DMD: variants seen among roughly 807,000 people sequenced by gnomAD.
DMD encodes the protein dystrophin, also known as mutant dystrophin.
In DMD, 63 loss-of-function variants were observed where a neutral mutation model predicts 330.1. The ratio of observed to expected loss-of-function variants is 0.19; its 90% CI spans 0.16 to 0.24. The LOEUF is 0.24. Among genes scored for constraint, DMD ranks in the 10% least tolerant of loss-of-function variants. DMD has a pLI of 1.00. For missense variants in DMD, 3,344 were observed against 2,684.1 expected, an observed-to-expected ratio of 1.25 and a Z score of -5.43; for synonymous variants, 1,223 against 959.8, an observed-to-expected ratio of 1.27 and a Z score of -5.07.
chrX:32,293,573 C>G (rs1347156841), intron 42 of DMD, among the ~76,000 whole-genome samples: 1 of 111,788 alleles, frequency 8.9e-6, no homozygotes, highest in African/African-American at 3.3e-5. Flanking sequence ...GCAGACCAGA[C>G]TGTCTTTTGC....
chrX:32,000,752 A>C (rs1256935711), intron 44 of DMD, among the ~76,000 whole-genome samples: 1 of 112,015 alleles, frequency 8.9e-6, no homozygotes, highest in Non-Finnish European at 1.9e-5. Flanking sequence ...GTGGCTATAT[A>C]AATTTAAATT....
intron 7 of DMD, among the ~76,000 whole-genome samples, chrX:32,754,311 C>A (rs1277903512): frequency 9.0e-6 from 1 of 110,841 alleles, no homozygotes; most frequent in Non-Finnish European, 1.9e-5. Flanking sequence ...GAGGGCCACA[C>A]AGCTTTTAAG....
intron 41 of DMD, among the ~76,000 whole-genome samples, chrX:32,319,644 T>TA: frequency 9.0e-6 from 1 of 111,659 alleles, no homozygotes; most frequent in Non-Finnish European, 1.9e-5. Context: ...ATTAGCTACA[T>TA]GCTATTGTAC....
At chrX:32,655,448 T>G (rs1348944765) in intron 9 of DMD, among the ~76,000 whole-genome samples, 1 of 112,259 alleles carries the variant, frequency 8.9e-6, no homozygotes, top group Non-Finnish European at 1.9e-5. Context: ...TTGAGTGGTT[T>G]TGAGTGAGTT....
intron 60 of DMD, among the ~76,000 whole-genome samples, chrX:31,381,904 A>G (rs1246149476): frequency 1.8e-5 from 2 of 111,719 alleles, no homozygotes; most frequent in South Asian, 3.8e-4. Context: ...ATCAAGTTCG[A>G]GGATTTGCCC....
rs386416845 is a variant in DMD at position 31,121,442 on chromosome X, ATGTGTGTGTGTG to A, written c.*465_*476del. 1.6e-5 allele frequency: 2 copies of A among 127,830 alleles called. No homozygotes were observed. The highest frequency in any genetic ancestry group is 2.2e-4 in the South Asian group (1 of 4,560). 10.5% of individuals were successfully genotyped at this position (127,830 alleles called of 1,213,427 possible). A position where few individuals can be genotyped will look rare whatever the true frequency, so the allele number is the denominator to read the frequency against. ...CTCAAAGTTTTGTGTGTGTGTGTGT[ATGTGTGTGTGTG>A]TGTGTTTGTTTTGTTTTTAGGGGTT... On this transcript the variant is annotated 3_prime_UTR_variant, in exon 79 of 79. Transcript: ENST00000357033.
Position 33,024,705 on chromosome X carries a change from A to T in DMD, c.32-4505T>A, listed in dbSNP as rs1464187595. Among the ~76,000 whole-genome samples, 21 of 111,709 alleles carry T rather than the reference A, an allele frequency of 1.9e-4. No individual in the cohort carries two copies. In the Admixed American group the frequency reaches 2.0e-3, roughly 11 times the overall value. On this transcript the variant is annotated intron_variant, in intron 1 of 78. Coordinates refer to ENST00000357033, the MANE Select transcript of DMD (RefSeq NM_004006.3). The stretch of plus-strand genomic sequence containing the variant: ...ATAAATGTGGGATATATTAAATTGC[A>T]ATATTCTTGATTCACAAGAGCAAGT...
chrX:31,791,378 G>T (rs2091562659), intron 50 of DMD, among the ~76,000 whole-genome samples: 1 of 111,996 alleles, frequency 8.9e-6, no homozygotes, highest in Admixed American at 9.5e-5. Flanking sequence ...AGGGTGCACA[G>T]TCAGAACTAG....
intron 51 of DMD, among the ~76,000 whole-genome samples, chrX:31,749,277 A>C (rs1316663887): frequency 6.5e-5 from 6 of 92,753 alleles, no homozygotes; most frequent in African/African-American, 1.6e-4. Context: ...ATATCTCCCA[A>C]TGCCATCCCT....
chrX:32,891,416 A>G (rs1465092223), intron 2 of DMD, among the ~76,000 whole-genome samples: 1 of 112,555 alleles, frequency 8.9e-6, no homozygotes, highest in Non-Finnish European at 1.9e-5. Context: ...TTATGACAAC[A>G]GTCCAAGATG....
At chrX:31,314,538 T>C (rs2055805882) in intron 62 of DMD, among the ~76,000 whole-genome samples, 1 of 111,222 alleles carries the variant, frequency 9.0e-6, no homozygotes, top group Non-Finnish European at 1.9e-5. Context: ...CAGGAGTTAA[T>C]GGTATCACAG....
chrX:31,362,975 A>G (rs189456241), intron 60 of DMD, among the ~76,000 whole-genome samples: 1 of 111,816 alleles, frequency 8.9e-6, no homozygotes, highest in Non-Finnish European at 1.9e-5. Context: ...AAACAAACAA[A>G]CAAACAACAG....
At chrX:31,364,806 T>C (rs6628598) in intron 60 of DMD, among the ~76,000 whole-genome samples, 33,675 of 110,427 alleles carry the variant, frequency 0.3, 3,832 homozygotes, top group East Asian at 0.59. Flanking sequence ...ATAATAGACA[T>C]AGAATACTAG....
At chrX:32,658,721 C>G (rs1384468981) in intron 9 of DMD, among the ~76,000 whole-genome samples, 1 of 111,188 alleles carries the variant, frequency 9.0e-6, no homozygotes, top group Non-Finnish European at 1.9e-5. Context: ...TCTCTGAAAT[C>G]TCACTGCCCT....
chrX:33,101,426 G>A (rs760754343), intron 1 of DMD, among the ~76,000 whole-genome samples: 1 of 112,072 alleles, frequency 8.9e-6, no homozygotes, highest in African/African-American at 3.2e-5. Context: ...TCAGGAGTTC[G>A]AGACCAGCCT....
At chrX:32,491,084 T>G (rs953586630) in intron 20 of DMD, among the ~76,000 whole-genome samples, 193 bp downstream of exon 20, 5 of 112,707 alleles carry the variant, frequency 4.4e-5, no homozygotes, top group African/African-American at 1.6e-4. Flanking sequence ...CCAAATACAA[T>G]TTTAGAATCC....
At chrX:32,410,853 G>C (rs984154822) in intron 30 of DMD, among the ~76,000 whole-genome samples, 2 of 112,228 alleles carry the variant, frequency 1.8e-5, no homozygotes, top group African/African-American at 3.2e-5. Context: ...TCATTTAAAA[G>C]TCAACTCAGA....
At chrX:32,143,860 C>G (rs1335110413) in intron 44 of DMD, among the ~76,000 whole-genome samples, 1 of 109,746 alleles carries the variant, frequency 9.1e-6, no homozygotes, top group Admixed American at 9.9e-5. Context: ...ACAAATACAT[C>G]TTTATATGTT....
intron 38 of DMD, among the ~76,000 whole-genome samples, chrX:32,346,383 T>C (rs1047170579): frequency 9.0e-6 from 1 of 111,402 alleles, no homozygotes; most frequent in Non-Finnish European, 1.9e-5. Context: ...AGTATTCTTT[T>C]GGCTTTTTTA....
Sources: gnomAD v4.1 joint callset for allele counts (sites outside exome capture counted in the v4.1 genomes callset) on GRCh38, gnomAD v4.1.1 for gene constraint, MANE v1.5 for transcripts, NCBI Gene and HGNC (gene_info 2026-07-23, HGNC 2026-07-21) for gene names.